The following CDKL4 variants were observed in gnomAD, a reference collection of about 807,000 sequenced individuals.
CDKL4 encodes the protein cyclin dependent kinase like 4.
Under a neutral mutation model 42.0 loss-of-function variants are expected in CDKL4, and 44 were observed. The observed-to-expected ratio is 1.05, with a 90% CI of 0.82 to 1.35. The LOEUF (loss-of-function observed/expected upper bound fraction) is 1.35. Among genes scored for constraint, CDKL4 ranks in the 40% most tolerant of loss-of-function variants. The pLI is 0.00. For missense variants in CDKL4, 393 were observed against 369.9 expected, an observed-to-expected ratio of 1.06 and a Z score of -0.51; for synonymous variants, 120 against 121.6, an observed-to-expected ratio of 0.99 and a Z score of 0.09.
rs565971477 is a variant in CDKL4 at position 39,222,589 on chromosome 2, C to CTAAA, written c.290+3246_290+3249dup. 2.3e-3 allele frequency among the ~76,000 whole-genome samples: 351 copies of CTAAA among 151,406 alleles called. 2 individuals are homozygous for CTAAA. The highest frequency in any genetic ancestry group is 0.014 in the Middle Eastern group (4 of 294). On this transcript the variant is annotated intron_variant, in intron 3 of 9. Coordinates refer to ENST00000451199, the Ensembl canonical transcript of CDKL4. ...TGGGCGACAGTGTGAGACTCTGTCT[C>CTAAA]TAAATAAATAAATAAATAAATAAAT...
chr2:39,190,371 T>C, exon 6 of CDKL4: 2 of 1,614,156 alleles, frequency 1.2e-6, no homozygotes, highest in Non-Finnish European at 1.7e-6. Context: ...GGCTGGCCTG[T>C]CAGGAGCTCT....
At chr2:39,192,439 C>A (rs1334222339) in intron 5 of CDKL4, among the ~76,000 whole-genome samples, 2 of 152,116 alleles carry the variant, frequency 1.3e-5, no homozygotes, top group African/African-American at 4.8e-5. Context: ...TAGCTCACTG[C>A]AGCTTTGAAC....
At chr2:39,225,814 G>C (rs1558579749) in intron 3 of CDKL4, 25 bp downstream of exon 3, 1 of 1,585,568 alleles carries the variant, frequency 6.3e-7, no homozygotes, top group Non-Finnish European at 8.6e-7. Context: ...TGGCTGTACA[G>C]AATTTCAGTT....
At chr2:39,185,676 T>G (rs1675792046) in intron 7 of CDKL4, among the ~76,000 whole-genome samples, 1 of 151,434 alleles carries the variant, frequency 6.6e-6, no homozygotes, top group African/African-American at 2.4e-5. Context: ...TTCGCTAGGA[T>G]GGTCTCGATC....
intron 7 of CDKL4, among the ~76,000 whole-genome samples, chr2:39,186,467 G>A (rs927087830): frequency 2.0e-5 from 3 of 152,078 alleles, no homozygotes; most frequent in Non-Finnish European, 4.4e-5. Flanking sequence ...GCAGATTCTG[G>A]ACCATATGGA....
chr2:39,179,899 A>G (rs1675338724), intron 8 of CDKL4, among the ~76,000 whole-genome samples: 1 of 152,200 alleles, frequency 6.6e-6, no homozygotes, highest in South Asian at 2.1e-4. Context: ...TATAAAAATA[A>G]CTACAGGCAA....
At chr2:39,208,739 T>C (rs1441181105) in intron 4 of CDKL4, among the ~76,000 whole-genome samples, 2 of 140,816 alleles carry the variant, frequency 1.4e-5, no homozygotes, top group Admixed American at 1.5e-4. Context: ...CAGGCCAGCC[T>C]AAAGAGATAT....
chr2:39,183,895 C>T (rs566792730), intron 8 of CDKL4, among the ~76,000 whole-genome samples: 1 of 152,276 alleles, frequency 6.6e-6, no homozygotes, highest in Admixed American at 6.5e-5. Flanking sequence ...AGCACTCGCA[C>T]AAAGGCTGGT....
At chr2:39,226,860 G>T (rs1368656281) in intron 2 of CDKL4, among the ~76,000 whole-genome samples, 3 of 151,854 alleles carry the variant, frequency 2.0e-5, no homozygotes, top group Non-Finnish European at 4.4e-5. Flanking sequence ...TCCGCCTCCT[G>T]GTTCCAAGTG....
At chr2:39,201,248 C>G (rs1374256541) in intron 5 of CDKL4, among the ~76,000 whole-genome samples, 1 of 149,886 alleles carries the variant, frequency 6.7e-6, no homozygotes, top group East Asian at 2.0e-4. Context: ...AAACGCAAAT[C>G]AAAACCATAA....
At chr2:39,233,899 A>ATAC (rs1558586357) in intron 1 of CDKL4, among the ~76,000 whole-genome samples, 1 of 130,318 alleles carries the variant, frequency 7.7e-6, no homozygotes, top group African/African-American at 2.8e-5. Flanking sequence ...TATATATATA[A>ATAC]ATTTTATTTT....
At chr2:39,192,607 T>C (rs1676258623) in intron 5 of CDKL4, among the ~76,000 whole-genome samples, 4 of 151,694 alleles carry the variant, frequency 2.6e-5, no homozygotes, top group Non-Finnish European at 4.4e-5. Context: ...CTTTTGATCA[T>C]ACTACATACA....
chr2:39,208,663 A>G, intron 4 of CDKL4, among the ~76,000 whole-genome samples: 1 of 150,780 alleles, frequency 6.6e-6, no homozygotes, highest in Admixed American at 6.6e-5. Context: ...TTTTTAGCAA[A>G]CAATGCTCAG....
intron 5 of CDKL4, among the ~76,000 whole-genome samples, chr2:39,196,796 C>T (rs1460034684): frequency 6.6e-6 from 1 of 152,106 alleles, no homozygotes; most frequent in African/African-American, 2.4e-5. Context: ...TTAGTACAGA[C>T]AAGGTTTAGC....
chr2:39,178,953 C>G, intron 9 of CDKL4: 1 of 1,441,296 alleles, frequency 6.9e-7, no homozygotes, highest in South Asian at 1.5e-5. Flanking sequence ...CAAAGAGTTG[C>G]GTAACGATTT....
At chr2:39,195,101 A>T (rs1002857204) in intron 5 of CDKL4, among the ~76,000 whole-genome samples, 2 of 152,226 alleles carry the variant, frequency 1.3e-5, no homozygotes, top group Non-Finnish European at 2.9e-5. Context: ...CACTCAGCTT[A>T]GTGTCTTCAA....
intron 8 of CDKL4, 81 bp from the exon 9 acceptor site, chr2:39,179,402 T>C: frequency 8.8e-7 from 1 of 1,135,864 alleles, no homozygotes; most frequent in Non-Finnish European, 1.2e-6. Flanking sequence ...AATAACTTGC[T>C]AGGATAAATA....
chr2:39,175,393 C>T (rs948571889), downstream of CDKL4, among the ~76,000 whole-genome samples: 1 of 152,174 alleles, frequency 6.6e-6, no homozygotes, highest in African/African-American at 2.4e-5. Flanking sequence ...ATGTAATTTT[C>T]TCTAGCTAGC....
At chr2:39,242,655 A>G (rs1679718884) in intron 1 of CDKL4, among the ~76,000 whole-genome samples, 1 of 152,242 alleles carries the variant, frequency 6.6e-6, no homozygotes, top group African/African-American at 2.4e-5. Context: ...ATCACAAATC[A>G]AGTCCTGAGA....
Sources: allele counts gnomAD v4.1 joint callset (sites outside exome capture counted in the v4.1 genomes callset), GRCh38; gene constraint gnomAD v4.1.1; transcripts MANE v1.5; gene names NCBI Gene and HGNC (gene_info 2026-07-23, HGNC 2026-07-21).